The following GRID2 variants were observed in gnomAD, a reference collection of about 807,000 sequenced individuals.
GRID2 encodes glutamate receptor ionotropic, delta-2.
A neutral mutation model predicts 114.8 loss-of-function variants in GRID2; 33 were observed. The ratio of observed to expected loss-of-function variants is 0.29; its 90% CI spans 0.22 to 0.38. GRID2 has a LOEUF of 0.38. Among genes scored for constraint, GRID2 ranks in the 10% least tolerant of loss-of-function variants. The pLI is 1.00. For synonymous variants in GRID2, 505 were observed against 449.9 expected, an observed-to-expected ratio of 1.12 and a Z score of -1.55; for missense variants, 1,184 against 1,257.7, an observed-to-expected ratio of 0.94 and a Z score of 0.89.
At position 93,499,549 on chromosome 4, in the gene GRID2, T is replaced by C. The variant is rs143445175; in HGVS notation, c.1997+8772T>C. On this transcript the variant is annotated intron_variant, in intron 12 of 15. Transcript: ENST00000282020. The stretch of plus-strand genomic sequence containing the variant: ...TTGCATGCCTCTCTGGAGCTTTACA[T>C]GCTCTTCTCTCTCCCTGAAATCACT... Among the ~76,000 whole-genome samples the C allele has an allele frequency of 2.9e-3, 447 of 152,002 alleles. 4 individuals carry two copies. Among genetic ancestry groups the C allele is most frequent in the South Asian group, 9.9e-3 (48 of 4,826 alleles).
intron 2 of GRID2, among the ~76,000 whole-genome samples, chr4:92,894,534 T>C (rs1747019263): frequency 6.6e-6 from 1 of 152,098 alleles, no homozygotes; most frequent in Admixed American, 6.5e-5. Flanking sequence ...ATATTTCAAA[T>C]GGAGAATATT....
chr4:92,555,263 G>C (rs1726795661), intron 1 of GRID2, among the ~76,000 whole-genome samples: 1 of 152,136 alleles, frequency 6.6e-6, no homozygotes, highest in East Asian at 1.9e-4. Flanking sequence ...TAGCATTTGT[G>C]TTGAAGTAAA....
chr4:92,914,488 G>A (rs1051512404), intron 2 of GRID2, among the ~76,000 whole-genome samples: 16 of 152,086 alleles, frequency 1.1e-4, no homozygotes, highest in Non-Finnish European at 2.2e-4. Context: ...GTGTCATGGG[G>A]GACTGTTGTA....
intron 2 of GRID2, among the ~76,000 whole-genome samples, chr4:92,931,918 A>T (rs577321603): frequency 6.6e-6 from 1 of 151,416 alleles, no homozygotes; most frequent in Admixed American, 6.6e-5. Flanking sequence ...AGATATTTGC[A>T]TAAAATATGT....
At chr4:92,620,995 C>CAAAAAAAAA (rs67388525) in intron 2 of GRID2, among the ~76,000 whole-genome samples, 2 of 112,292 alleles carry the variant, frequency 1.8e-5, no homozygotes, top group Admixed American at 9.1e-5. Flanking sequence ...TAAAGAATGC[C>CAAAAAAAAA]AAAAAAAAAA....
At chr4:93,144,500 G>A (rs941844412) in intron 4 of GRID2, among the ~76,000 whole-genome samples, 1 of 152,162 alleles carries the variant, frequency 6.6e-6, no homozygotes, top group African/African-American at 2.4e-5. Context: ...GCTCTACAAA[G>A]CAGGTGGGAG....
rs143139306 is a variant in GRID2 at position 93,085,151 on chromosome 4, C to T, written c.401C>T (p.Thr134Ile). The T allele has an allele frequency of 3.2e-5, 51 of 1,613,990 alleles. No homozygotes were observed. The Admixed American group carries it at 4.5e-4, about 14-fold the overall frequency. The part of the protein sequence containing the change: ...AGTPRSGCGL[T>I]RSNRNDDYTL... ...ACCCCAAGGAGTGGCTGTGGACTCA[C>T]CCGGAGCAACAGGAATGATGACTAC... The change falls in exon 3 of 16, where the codon ACC (threonine) becomes ATC (isoleucine). Residue 134 changes from threonine to isoleucine, a missense_variant. By Grantham distance (89) the Thr-to-Ile change is moderately conservative. Coordinates refer to ENST00000282020, the MANE Select transcript of GRID2 (RefSeq NM_001510.4).
chr4:93,031,139 A>G (rs1724391272), intron 2 of GRID2, among the ~76,000 whole-genome samples: 3 of 144,008 alleles, frequency 2.1e-5, no homozygotes, highest in African/African-American at 7.8e-5. Context: ...TCCACCTTCC[A>G]GGTTCTAGTG....
intron 2 of GRID2, among the ~76,000 whole-genome samples, chr4:92,940,130 G>A (rs1750993171): frequency 6.8e-6 from 1 of 146,996 alleles, no homozygotes; most frequent in African/African-American, 2.4e-5. Flanking sequence ...AATGGGGATG[G>A]CATTGAAACT....
intron 1 of GRID2, among the ~76,000 whole-genome samples, chr4:92,403,474 G>T (rs1730883391): frequency 6.6e-6 from 1 of 151,830 alleles, no homozygotes; most frequent in Non-Finnish European, 1.5e-5. Flanking sequence ...GAAGCAGGCG[G>T]ATTATGAGGT....
chr4:92,795,727 G>A (rs1399987751), intron 2 of GRID2, among the ~76,000 whole-genome samples: 1 of 152,006 alleles, frequency 6.6e-6, no homozygotes, highest in Admixed American at 6.6e-5. Context: ...CCTTCTGTCA[G>A]ATTGTCTATT....
intron 2 of GRID2, among the ~76,000 whole-genome samples, chr4:92,890,506 A>G (rs998932737): frequency 1.3e-5 from 2 of 151,554 alleles, no homozygotes; most frequent in Non-Finnish European, 2.9e-5. Context: ...AAAACATATG[A>G]AAAAAAAAGC....
At chr4:93,336,199 A>C (rs927649155) in intron 8 of GRID2, among the ~76,000 whole-genome samples, 1 of 152,152 alleles carries the variant, frequency 6.6e-6, no homozygotes. Context: ...AGTTGGTGTA[A>C]ATAATTTCTG....
At chr4:93,387,540 G>A (rs1358372181) in intron 8 of GRID2, among the ~76,000 whole-genome samples, 1 of 152,052 alleles carries the variant, frequency 6.6e-6, no homozygotes, top group Non-Finnish European at 1.5e-5. Flanking sequence ...TATAAGAAAT[G>A]ATGTACAGGC....
chr4:93,275,296 TTTTA>T (rs1241406030), intron 8 of GRID2, among the ~76,000 whole-genome samples: 3 of 151,930 alleles, frequency 2.0e-5, no homozygotes, highest in Admixed American at 6.6e-5. Context: ...GTGTACCATA[TTTTA>T]TTTATCCATT....
At chr4:93,452,357 G>T (rs1459034469) in intron 10 of GRID2, among the ~76,000 whole-genome samples, 4 of 151,854 alleles carry the variant, frequency 2.6e-5, no homozygotes, top group Non-Finnish European at 4.4e-5. Context: ...TGGGGAAAAA[G>T]AGTTTTCTCA....
intron 2 of GRID2, among the ~76,000 whole-genome samples, chr4:92,990,087 TTGGAAG>T (rs1754772646): frequency 6.6e-6 from 1 of 151,918 alleles, no homozygotes; most frequent in African/African-American, 2.4e-5. Flanking sequence ...TAGCAAACAC[TTGGAAG>T]TGGAAATAGG....
rs374961524 is a variant in GRID2 at position 92,837,512 on chromosome 4, C to T, written c.244+247226C>T. On this transcript the variant is annotated intron_variant, in intron 2 of 15. Transcript: ENST00000282020. ...AAAAAAGGCCATGTACATTTTTACT[C>T]ATCAAATGTAACCTTGAAAAAATAT... Among the ~76,000 whole-genome samples, 31 of 149,224 alleles carry T rather than the reference C, an allele frequency of 2.1e-4. No individual in the cohort carries two copies. The East Asian group carries it at 3.4e-3, about 16-fold the overall frequency.
At chr4:92,581,194 C>A (rs1179975731) in intron 1 of GRID2, among the ~76,000 whole-genome samples, 1 of 150,124 alleles carries the variant, frequency 6.7e-6, no homozygotes, top group Non-Finnish European at 1.5e-5. Context: ...CCAGTCCCCC[C>A]ACCCTTTTTT....
Sources: allele counts gnomAD v4.1 joint callset (sites outside exome capture counted in the v4.1 genomes callset), GRCh38; gene constraint gnomAD v4.1.1; transcripts MANE v1.5; gene names NCBI Gene and HGNC (gene_info 2026-07-23, HGNC 2026-07-21).